Variants in RB1CC1 observed in about 807,000 individuals in gnomAD.
RB1CC1 encodes RB1 inducible coiled-coil 1, also known as RB1-inducible coiled-coil protein 1.
Under a neutral mutation model 177.5 loss-of-function variants are expected in RB1CC1, and 46 were observed. The observed-to-expected ratio is 0.26, with a 90% CI of 0.20 to 0.33. The LOEUF (loss-of-function observed/expected upper bound fraction) is 0.33, where lower values mean the gene tolerates loss of function less well. Among genes scored for constraint, RB1CC1 ranks in the 10% least tolerant of loss-of-function variants. RB1CC1 has a pLI of 1.00. For synonymous variants in RB1CC1, 666 were observed against 613.6 expected, an observed-to-expected ratio of 1.09 and a Z score of -1.26; for missense variants, 1,703 against 1,816.3, an observed-to-expected ratio of 0.94 and a Z score of 1.13.
intron 18 of RB1CC1, among the ~76,000 whole-genome samples, chr8:52,641,000 G>T (rs966183789): frequency 6.6e-6 from 1 of 152,044 alleles, no homozygotes; most frequent in African/African-American, 2.4e-5. Context: ...AACTAACTGC[G>T]TTCCTCTGAG....
chr8:52,688,748 C>T (rs372192434), intron 1 of RB1CC1, among the ~76,000 whole-genome samples: 32 of 152,232 alleles, frequency 2.1e-4, no homozygotes, highest in African/African-American at 7.2e-4. Context: ...CCTTTTGAAA[C>T]CCTTAATAAA....
At chr8:52,694,250 G>A (rs558447999) in intron 1 of RB1CC1, among the ~76,000 whole-genome samples, 1 of 152,188 alleles carries the variant, frequency 6.6e-6, no homozygotes, top group Non-Finnish European at 1.5e-5. Flanking sequence ...TAGAGTGGAA[G>A]ACTCAACAGG....
chr8:52,654,457 A>G (rs1850903108), intron 15 of RB1CC1, among the ~76,000 whole-genome samples: 1 of 144,432 alleles, frequency 6.9e-6, no homozygotes, highest in Admixed American at 7.3e-5. Flanking sequence ...CTTCCTGGCA[A>G]GTAACTGAGA....
chr8:52,651,246 C>T (rs1850546622), intron 15 of RB1CC1, among the ~76,000 whole-genome samples: 1 of 152,168 alleles, frequency 6.6e-6, no homozygotes. Flanking sequence ...GGAAAGTAGA[C>T]TTAAGAATAA....
chr8:52,702,061 G>A (rs1176868920), intron 1 of RB1CC1, among the ~76,000 whole-genome samples: 1 of 152,046 alleles, frequency 6.6e-6, no homozygotes, highest in Non-Finnish European at 1.5e-5. Flanking sequence ...ACCCACCTCG[G>A]CCTCCCAAAG....
In RB1CC1 at chr8:52,657,268, G is replaced by A. The variant is rs1429435159; in HGVS notation, c.2561C>T (p.Ser854Phe). 2 of 1,600,764 alleles carry A rather than the reference G, an allele frequency of 1.2e-6. No individual in the cohort carries two copies. The highest frequency in any genetic ancestry group is 8.6e-7 in the Non-Finnish European group (1 of 1,169,058). ...TTTTTCTTTTAGTGTTATTTCCAGA[G>A]AACATTTTACTTTTTCAATAATGTT... ...IRNIIEKVKC[S>F]LEITLKEKHQ... Residue 854 changes from serine to phenylalanine, a missense_variant, in exon 15 of 24, where the codon TCT (serine) becomes TTT (phenylalanine). Transcript: ENST00000025008.
intron 1 of RB1CC1, among the ~76,000 whole-genome samples, chr8:52,690,404 T>C (rs1854730223): frequency 6.6e-6 from 1 of 152,182 alleles, no homozygotes; most frequent in Non-Finnish European, 1.5e-5. Context: ...TTTGTCCTCA[T>C]GGAGTTCAGT....
At chr8:52,711,825 T>C (rs577647588) in intron 1 of RB1CC1, among the ~76,000 whole-genome samples, 1 of 152,358 alleles carries the variant, frequency 6.6e-6, no homozygotes, top group East Asian at 1.9e-4. Flanking sequence ...TCATTTTTCT[T>C]GGTATATGCC....
At chr8:52,701,560 CTTTTCT>C (rs919860234) in intron 1 of RB1CC1, among the ~76,000 whole-genome samples, 2 of 152,120 alleles carry the variant, frequency 1.3e-5, no homozygotes, top group Admixed American at 1.3e-4. Context: ...TCCTTTTCTT[CTTTTCT>C]TTTTCTTTAA....
intron 1 of RB1CC1, among the ~76,000 whole-genome samples, chr8:52,695,431 A>T (rs1479689033): frequency 2.0e-5 from 3 of 152,182 alleles, no homozygotes; most frequent in African/African-American, 7.2e-5. Context: ...TAATATCCTG[A>T]CAGATAGAAC....
At chr8:52,638,291 A>C (rs1166010959) in intron 18 of RB1CC1, among the ~76,000 whole-genome samples, 1 of 152,118 alleles carries the variant, frequency 6.6e-6, no homozygotes, top group Non-Finnish European at 1.5e-5. Flanking sequence ...ACATAAATTG[A>C]CTTTTAGATG....
chr8:52,698,801 C>T (rs909301184), intron 1 of RB1CC1, among the ~76,000 whole-genome samples: 3 of 147,560 alleles, frequency 2.0e-5, no homozygotes, highest in Middle Eastern at 3.4e-3. Context: ...AGTGATTCTC[C>T]TGCCTCAGCC....
At chr8:52,652,343 G>C (rs541208811) in intron 15 of RB1CC1, among the ~76,000 whole-genome samples, 112 of 151,578 alleles carry the variant, frequency 7.4e-4, no homozygotes, top group African/African-American at 2.6e-3. Context: ...TCACGCACCT[G>C]TAGTCCCAGC....
chr8:52,658,485 G>A (rs1446658681), intron 13 of RB1CC1, among the ~76,000 whole-genome samples: 4 of 150,368 alleles, frequency 2.7e-5, no homozygotes, highest in African/African-American at 9.8e-5. Flanking sequence ...GCTGAGGCAG[G>A]AGAACTGCTG....
In RB1CC1 at chr8:52,630,451, A is replaced by C; in HGVS notation, c.4499+19T>G. 6.4e-7 allele frequency: 1 copy of C among 1,559,962 alleles called. No homozygotes were observed. The highest frequency in any genetic ancestry group is 8.6e-7 in the Non-Finnish European group (1 of 1,157,136). ...GAATGTTTTTCACAGAAAAATACTCACAAAACTAAAATACTTACTCTCTAA... is the reference window on the plus strand; with the variant it reads ...GAATGTTTTTCACAGAAAAATACTCCCAAAACTAAAATACTTACTCTCTAA... On this transcript the variant is annotated intron_variant, in intron 21 of 23. Coordinates refer to ENST00000025008, the MANE Select transcript of RB1CC1 (RefSeq NM_014781.5).
intron 1 of RB1CC1, among the ~76,000 whole-genome samples, chr8:52,687,452 G>A (rs997644269): frequency 6.6e-6 from 1 of 152,140 alleles, no homozygotes; most frequent in Admixed American, 6.5e-5. Context: ...CAGGGCCTGT[G>A]ATCTGTTTCT....
chr8:52,701,124 A>T (rs2150690074), intron 1 of RB1CC1, among the ~76,000 whole-genome samples: 1 of 151,836 alleles, frequency 6.6e-6, no homozygotes, highest in South Asian at 2.1e-4. Context: ...GAAGGACCAG[A>T]TCTTTTTTTT....
Position 52,645,823 on chromosome 8 carries a change from G to A in RB1CC1, c.3866C>T (p.Ala1289Val), listed in dbSNP as rs1443185590. Residue 1289 changes from alanine (A) to valine (V), a missense_variant, in exon 16 of 24, where the codon GCT (alanine) becomes GTT (valine). Around this residue, in one of 6 missense-constraint regions of RB1CC1, gnomAD observed 1,169 missense variants for 1,184.7 expected, o/e 0.99. Coordinates refer to ENST00000025008, the MANE Select transcript of RB1CC1 (RefSeq NM_014781.5). Reference protein sequence around the residue: ...STRGDSSSLVAELQEKLQEEK... With the variant: ...STRGDSSSLVVELQEKLQEEK... ...TTCCTGAAGCTTTTCTTGAAGTTCAGCAACTAAGCTTGAAGAATCTCCTCT... is the reference window on the plus strand; with the variant it reads ...TTCCTGAAGCTTTTCTTGAAGTTCAACAACTAAGCTTGAAGAATCTCCTCT... The A allele has an allele frequency of 6.2e-7, 1 of 1,609,938 alleles. No individual in the cohort carries two copies. The highest frequency in any genetic ancestry group is 8.5e-7 in the Non-Finnish European group (1 of 1,178,876).
chr8:52,644,485 T>C (rs1288322230), intron 16 of RB1CC1, among the ~76,000 whole-genome samples: 1 of 152,216 alleles, frequency 6.6e-6, no homozygotes, highest in Non-Finnish European at 1.5e-5. Context: ...GAGATCAATA[T>C]GCAGAATGAA....
Sources: allele counts gnomAD v4.1 joint callset (sites outside exome capture counted in the v4.1 genomes callset), GRCh38; gene constraint gnomAD v4.1.1; regional missense constraint gnomAD v4.1.1; transcripts MANE v1.5; gene names NCBI Gene and HGNC (gene_info 2026-07-23, HGNC 2026-07-21).